Variants in ANKS1B observed in about 807,000 individuals in gnomAD.
ANKS1B encodes the protein ankyrin repeat and sterile alpha motif domain-containing protein 1B.
Under a neutral mutation model 148.3 loss-of-function variants are expected in ANKS1B, and 36 were observed. That is an observed-to-expected ratio of 0.24 (90% CI 0.19 to 0.32). The LOEUF is 0.32. Ranked by LOEUF, ANKS1B falls within the 10% of genes least tolerant of loss-of-function variation. The probability of loss-of-function intolerance (pLI) is 1.00; values close to 1 mark genes in which losing one functional copy is unlikely to be tolerated. For missense variants in ANKS1B, 1,157 were observed against 1,542.6 expected, an observed-to-expected ratio of 0.75 and a Z score of 4.19; for synonymous variants, 542 against 560.8, an observed-to-expected ratio of 0.97 and a Z score of 0.47.
At chr12:99,446,657 T>C (rs984656772) in intron 10 of ANKS1B, among the ~76,000 whole-genome samples, 1 of 152,014 alleles carries the variant, frequency 6.6e-6, no homozygotes, top group African/African-American at 2.4e-5. Context: ...ATTGGGTTCA[T>C]AGAAACATAG....
At chr12:99,047,393 CTG>C (rs2099963209) in intron 17 of ANKS1B, among the ~76,000 whole-genome samples, 1 of 152,146 alleles carries the variant, frequency 6.6e-6, no homozygotes, top group African/African-American at 2.4e-5. Context: ...GAATAAGACT[CTG>C]TCTCAGAAAA....
intron 1 of ANKS1B, among the ~76,000 whole-genome samples, chr12:99,964,740 T>C (rs2153834017): frequency 6.6e-6 from 1 of 151,546 alleles, no homozygotes; most frequent in African/African-American, 2.4e-5. Context: ...GGGATTAGAG[T>C]CCAAGAAGGA....
chr12:98,971,690 G>A (rs996079639), intron 17 of ANKS1B, among the ~76,000 whole-genome samples: 14 of 152,024 alleles, frequency 9.2e-5, no homozygotes, highest in African/African-American at 3.4e-4. Flanking sequence ...AATATAGAGG[G>A]CTCCCATTCT....
intron 9 of ANKS1B, among the ~76,000 whole-genome samples, chr12:99,558,005 C>T (rs2097294914): frequency 6.6e-6 from 1 of 152,100 alleles, no homozygotes; most frequent in South Asian, 2.1e-4. Context: ...GTTCTCTGAC[C>T]CCTTGCAGTT....
At chr12:99,345,669 TG>T (rs959079023) in intron 12 of ANKS1B, among the ~76,000 whole-genome samples, 2 of 151,882 alleles carry the variant, frequency 1.3e-5, no homozygotes, top group South Asian at 2.1e-4. Flanking sequence ...ATAGTGTCTG[TG>T]GGTTCCTATG....
chr12:98,966,047 T>C (rs1234015050), intron 17 of ANKS1B, among the ~76,000 whole-genome samples: 1 of 152,048 alleles, frequency 6.6e-6, no homozygotes, highest in Non-Finnish European at 1.5e-5. Flanking sequence ...AATTGACAAA[T>C]AGGATCTAAT....
At chr12:99,243,395 G>A (rs1186088831) in intron 14 of ANKS1B, among the ~76,000 whole-genome samples, 1 of 152,216 alleles carries the variant, frequency 6.6e-6, no homozygotes, top group Admixed American at 6.5e-5. Flanking sequence ...TGGAGAGGAC[G>A]TGGAGAAATA....
At chr12:99,932,086 T>C (rs2094632249) in intron 1 of ANKS1B, among the ~76,000 whole-genome samples, 1 of 152,176 alleles carries the variant, frequency 6.6e-6, no homozygotes, top group African/African-American at 2.4e-5. Flanking sequence ...ATCCATGTTG[T>C]TGCAAATTAC....
intron 17 of ANKS1B, among the ~76,000 whole-genome samples, chr12:98,886,853 G>A (rs1326955326): frequency 1.3e-5 from 2 of 152,170 alleles, no homozygotes; most frequent in Non-Finnish European, 2.9e-5. Context: ...TATATTGTTC[G>A]ACTACAAAAG....
chr12:99,009,038 C>G (rs2099937780), intron 17 of ANKS1B, among the ~76,000 whole-genome samples: 1 of 152,180 alleles, frequency 6.6e-6, no homozygotes, highest in Non-Finnish European at 1.5e-5. Context: ...ATGGTCTACA[C>G]TTGGCAAGGA....
chr12:98,915,399 A>G (rs998624427), intron 17 of ANKS1B, among the ~76,000 whole-genome samples: 4 of 152,122 alleles, frequency 2.6e-5, no homozygotes, highest in Non-Finnish European at 5.9e-5. Context: ...TTGCCCAGGC[A>G]GGAGTACAGT....
At chr12:99,359,334 T>G (rs1014482638) in intron 12 of ANKS1B, among the ~76,000 whole-genome samples, 1 of 152,154 alleles carries the variant, frequency 6.6e-6, no homozygotes, top group Non-Finnish European at 1.5e-5. Flanking sequence ...TTTAGTAGGA[T>G]ATTTTATTAT....
At chr12:99,659,403 TAA>T (rs11307067) in intron 8 of ANKS1B, among the ~76,000 whole-genome samples, 1 of 151,428 alleles carries the variant, frequency 6.6e-6, no homozygotes, top group African/African-American at 2.4e-5. Context: ...AATTCTACTA[TAA>T]AAAAAAATAG....
intron 19 of ANKS1B, among the ~76,000 whole-genome samples, chr12:98,808,291 A>T (rs1041915490): frequency 2.0e-5 from 3 of 152,164 alleles, no homozygotes; most frequent in Non-Finnish European, 4.4e-5. Flanking sequence ...ACAGGAAAAA[A>T]CCTTTAACAC....
chr12:99,870,146 A>T (rs1017369765), intron 1 of ANKS1B, among the ~76,000 whole-genome samples: 5 of 152,118 alleles, frequency 3.3e-5, no homozygotes, highest in African/African-American at 1.2e-4. Flanking sequence ...CTCTACGTCC[A>T]TGAGTACCTA....
intron 14 of ANKS1B, among the ~76,000 whole-genome samples, chr12:99,173,957 G>A (rs1313124675): frequency 6.6e-6 from 1 of 152,088 alleles, no homozygotes; most frequent in Non-Finnish European, 1.5e-5. Context: ...TGAAGGCTTT[G>A]TGCAAGTCCC....
intron 25 of ANKS1B, among the ~76,000 whole-genome samples, chr12:98,772,140 T>C (rs182859808): frequency 4.2e-4 from 64 of 152,278 alleles, no homozygotes; most frequent in Admixed American, 5.2e-4. Flanking sequence ...TCTGCCAAAA[T>C]GTACTTGGTG....
chr12:99,849,815 G>A (rs1465802774), intron 1 of ANKS1B, among the ~76,000 whole-genome samples: 1 of 152,122 alleles, frequency 6.6e-6, no homozygotes, highest in Admixed American at 6.5e-5. Flanking sequence ...CCTTCTGGGG[G>A]ATAGTAACTA....
chr12:99,648,323 T>A, intron 9 of ANKS1B: 1 of 1,614,060 alleles, frequency 6.2e-7, no homozygotes. Flanking sequence ...GAGAGCGACT[T>A]TATCCAGATC....
Sources: gnomAD v4.1 joint callset for allele counts (sites outside exome capture counted in the v4.1 genomes callset) on GRCh38, gnomAD v4.1.1 for gene constraint, MANE v1.5 for transcripts, NCBI Gene and HGNC (gene_info 2026-07-23, HGNC 2026-07-21) for gene names.